PIP4K2A: variants seen among roughly 807,000 people sequenced by gnomAD.
The protein encoded by PIP4K2A is phosphatidylinositol-5-phosphate 4-kinase type 2 alpha, also known as phosphatidylinositol 5-phosphate 4-kinase type-2 alpha.
PIP4K2A carries 14 observed loss-of-function variants against 42.9 expected under a neutral mutation model. The ratio of observed to expected loss-of-function variants is 0.33; its 90% CI spans 0.22 to 0.51. PIP4K2A has a LOEUF of 0.51. Among genes scored for constraint, PIP4K2A ranks in the 20% least tolerant of loss-of-function variants. The probability of loss-of-function intolerance (pLI) is 0.97; values close to 1 mark genes in which losing one functional copy is unlikely to be tolerated. For synonymous variants in PIP4K2A, 192 were observed against 192.2 expected (o/e 1.00, Z 0.01); for missense variants, 434 against 519.8 (o/e 0.83, Z 1.61).
chr10:22,664,116 C>T lies in PIP4K2A; in HGVS notation c.144+50067G>A, dbSNP rs367596020. ...ATATATATATATACATATATATATA[C>T]ATATATATATATACATATATATATA... On this transcript the variant is annotated intron_variant, in intron 1 of 9. Transcript: ENST00000376573. Among the ~76,000 whole-genome samples the T allele has an allele frequency of 3.7e-3, 186 of 50,398 alleles. 12 individuals carry two copies. Among genetic ancestry groups the T allele is most frequent in the African/African-American group, 0.023 (125 of 5,508 alleles). The allele number at this position is 50,398 out of a possible 152,430, so 33.1% of individuals were successfully genotyped here.
chr10:22,700,821 G>A (rs890158052), intron 1 of PIP4K2A, among the ~76,000 whole-genome samples: 17 of 152,154 alleles, frequency 1.1e-4, no homozygotes, highest in Admixed American at 8.5e-4. Flanking sequence ...GAATGTTAGG[G>A]TGTCTAGCAA....
At chr10:22,669,220 G>A (rs964335039) in intron 1 of PIP4K2A, among the ~76,000 whole-genome samples, 3 of 152,106 alleles carry the variant, frequency 2.0e-5, no homozygotes, top group Non-Finnish European at 4.4e-5. Context: ...AGAAGAGACC[G>A]AAGATCAAAA....
intron 5 of PIP4K2A, among the ~76,000 whole-genome samples, chr10:22,571,229 C>G (rs527266949): frequency 6.6e-6 from 1 of 152,236 alleles, no homozygotes; most frequent in South Asian, 2.1e-4. Context: ...TTATTTAGAT[C>G]TGGGCATGTG....
At chr10:22,685,757 C>T (rs547436886) in intron 1 of PIP4K2A, among the ~76,000 whole-genome samples, 8 of 151,856 alleles carry the variant, frequency 5.3e-5, no homozygotes, top group South Asian at 2.1e-4. Flanking sequence ...GGGGTGGCGG[C>T]GGGGCAGGGA....
chr10:22,663,901 A>G (rs1199684470), intron 1 of PIP4K2A, among the ~76,000 whole-genome samples: 1 of 150,586 alleles, frequency 6.6e-6, no homozygotes, highest in Non-Finnish European at 1.5e-5. Flanking sequence ...TTGCATGATA[A>G]ATATCACTGT....
At chr10:22,703,731 T>A (rs986367647) in intron 1 of PIP4K2A, among the ~76,000 whole-genome samples, 5 of 152,176 alleles carry the variant, frequency 3.3e-5, no homozygotes, top group Non-Finnish European at 2.9e-5. Context: ...GCAGACAAGG[T>A]GGACTGAAAC....
At chr10:22,653,964 C>A (rs1448342731) in intron 1 of PIP4K2A, among the ~76,000 whole-genome samples, 1 of 152,094 alleles carries the variant, frequency 6.6e-6, no homozygotes, top group Admixed American at 6.5e-5. Context: ...GTGTTAATAC[C>A]AAGAGAAAAC....
At chr10:22,589,647 T>C (rs1313622583) in intron 4 of PIP4K2A, among the ~76,000 whole-genome samples, 1 of 152,206 alleles carries the variant, frequency 6.6e-6, no homozygotes, top group Non-Finnish European at 1.5e-5. Context: ...AAAGAATCCA[T>C]GATATTAGAG....
intron 1 of PIP4K2A, among the ~76,000 whole-genome samples, chr10:22,643,292 A>G (rs1838816593): frequency 6.6e-6 from 1 of 152,186 alleles, no homozygotes; most frequent in South Asian, 2.1e-4. Flanking sequence ...GTTTTATTGG[A>G]ACAGAGCCAG....
intron 1 of PIP4K2A, among the ~76,000 whole-genome samples, chr10:22,654,065 TAATA>T (rs1439153673): frequency 6.6e-6 from 1 of 152,084 alleles, no homozygotes; most frequent in Non-Finnish European, 1.5e-5. Context: ...GGCTTAGATT[TAATA>T]AATGGACGAA....
rs562001452 is a variant in PIP4K2A at position 22,581,024 on chromosome 10, G to A, written c.493-7567C>T. ...GACCAAACACTGAACAATGCTGGCC[G>A]TCCCGTGTGTGGCTCAGAAATTAAG... On this transcript the variant is annotated intron_variant, in intron 4 of 9. Coordinates refer to ENST00000376573, the MANE Select transcript of PIP4K2A (RefSeq NM_005028.5). Among the ~76,000 whole-genome samples, 10 of 152,312 alleles carry A rather than the reference G, an allele frequency of 6.6e-5. No individual in the cohort carries two copies. The South Asian group carries it at 8.3e-4, about 13-fold the overall frequency.
chr10:22,573,225 A>G, intron 5 of PIP4K2A, 86 bp downstream of exon 5: 2 of 1,263,048 alleles, frequency 1.6e-6, no homozygotes, highest in Non-Finnish European at 2.3e-6. Flanking sequence ...GCGGCTCCTA[A>G]GCATTTCTGA....
intron 1 of PIP4K2A, among the ~76,000 whole-genome samples, chr10:22,633,175 A>G (rs1263846739): frequency 6.6e-6 from 1 of 152,228 alleles, no homozygotes; most frequent in Non-Finnish European, 1.5e-5. Context: ...CAGGGGATTC[A>G]GATCTGGGCA....
intron 4 of PIP4K2A, among the ~76,000 whole-genome samples, chr10:22,590,535 T>G (rs1837487574): frequency 6.6e-6 from 1 of 152,208 alleles, no homozygotes; most frequent in African/African-American, 2.4e-5. Flanking sequence ...TTAGGTGTTA[T>G]TATTATCCCG....
Position 22,535,018 on chromosome 10 carries a change from A to C in PIP4K2A, c.*2183T>G, listed in dbSNP as rs923890167. 6.6e-6 allele frequency: 1 copy of C among 152,222 alleles called. No individual in the cohort carries two copies. The highest frequency in any genetic ancestry group is 6.5e-5 in the Admixed American group (1 of 15,274). The allele number at this position is 152,222 out of a possible 1,614,324, so 9.4% of individuals were successfully genotyped here. A position where few individuals can be genotyped will look rare whatever the true frequency, so the allele number is the denominator to read the frequency against. Reference sequence around the variant, plus strand: ...TTTGTAAAGCCCGGCTCATGACTGGAGTGTATTGTTAGCACTAGGAGATAA... The same window carrying C: ...TTTGTAAAGCCCGGCTCATGACTGGCGTGTATTGTTAGCACTAGGAGATAA... On this transcript the variant is annotated 3_prime_UTR_variant, in exon 10 of 10. Coordinates refer to ENST00000376573, the MANE Select transcript of PIP4K2A (RefSeq NM_005028.5).
intron 6 of PIP4K2A, among the ~76,000 whole-genome samples, chr10:22,566,836 T>C (rs1207911042): frequency 6.6e-6 from 1 of 152,136 alleles, no homozygotes; most frequent in Non-Finnish European, 1.5e-5. Context: ...GCTCCCTGAG[T>C]GTCCTGTCCA....
chr10:22,573,280 A>G, intron 5 of PIP4K2A, 31 bp downstream of exon 5: 1 of 1,595,654 alleles, frequency 6.3e-7, no homozygotes, highest in Non-Finnish European at 8.6e-7. Context: ...AGCTTGAGTT[A>G]CTTTACAAAA....
intron 6 of PIP4K2A, among the ~76,000 whole-genome samples, chr10:22,558,299 T>C (rs906760286): frequency 6.6e-6 from 1 of 152,200 alleles, no homozygotes; most frequent in Non-Finnish European, 1.5e-5. Context: ...AAAATCTTCA[T>C]AAAAATCAGC....
intron 6 of PIP4K2A, among the ~76,000 whole-genome samples, chr10:22,566,680 A>C (rs1588630166): frequency 6.8e-6 from 1 of 147,132 alleles, no homozygotes; most frequent in Admixed American, 6.7e-5. Flanking sequence ...AATACTCCCC[A>C]CTCTGACTCT....
Sources: allele counts gnomAD v4.1 joint callset (sites outside exome capture counted in the v4.1 genomes callset), GRCh38; gene constraint gnomAD v4.1.1; transcripts MANE v1.5; gene names NCBI Gene and HGNC (gene_info 2026-07-23, HGNC 2026-07-21).